ARMC2: variants seen among roughly 807,000 people sequenced by gnomAD.
ARMC2 encodes the protein armadillo repeat-containing protein 2.
ARMC2 carries 67 observed loss-of-function variants against 90.3 expected under a neutral mutation model. The observed-to-expected ratio is 0.74, with a 90% confidence interval of 0.61 to 0.91. The LOEUF is 0.91. Ranked by LOEUF, ARMC2 falls within the 40% of genes least tolerant of loss-of-function variation. ARMC2 has a pLI of 0.00. For synonymous variants in ARMC2, 393 were observed against 393.0 expected, an observed-to-expected ratio of 1.00 and a Z score of 0.00; for missense variants, 920 against 1,030.9, an observed-to-expected ratio of 0.89 and a Z score of 1.47.
the ARMC2 span, among the ~76,000 whole-genome samples, chr6:109,016,409 T>C: frequency 6.6e-6 from 1 of 152,212 alleles, no homozygotes; most frequent in Non-Finnish European, 1.5e-5. Flanking sequence ...TAATCTTTAG[T>C]TGTAGGTCCT....
chr6:108,993,030 C>A, the ARMC2 span: 1 of 606,324 alleles, frequency 1.6e-6, no homozygotes, highest in South Asian at 2.1e-5. Context: ...AGTAGTCTTA[C>A]AATTATACAA....
At chr6:108,871,089 G>A (rs1776362926) in intron 4 of ARMC2, among the ~76,000 whole-genome samples, 1 of 152,176 alleles carries the variant, frequency 6.6e-6, no homozygotes, top group Non-Finnish European at 1.5e-5. Context: ...TGGACCAAGT[G>A]TCCACATGGA....
chr6:108,995,195 T>C, the ARMC2 span, among the ~76,000 whole-genome samples: 1 of 152,198 alleles, frequency 6.6e-6, no homozygotes, highest in Non-Finnish European at 1.5e-5. Context: ...TTACCATTTA[T>C]GCTGTTTTAA....
the ARMC2 span, among the ~76,000 whole-genome samples, chr6:109,051,287 T>C: frequency 6.6e-6 from 1 of 152,100 alleles, no homozygotes; most frequent in Non-Finnish European, 1.5e-5. Flanking sequence ...CAGAATATTA[T>C]AAAGATTTTT....
chr6:108,879,230 C>T (rs117150855), intron 5 of ARMC2, among the ~76,000 whole-genome samples: 15,677 of 146,052 alleles, frequency 0.11, 1,130 homozygotes, highest in Non-Finnish European at 0.16. Context: ...CCATATATCT[C>T]CCCATCCATC....
At position 108,965,072 on chromosome 6, in the gene ARMC2, C is replaced by T. The variant is rs1203160926; in HGVS notation, c.2378C>T (p.Thr793Ile). 2.5e-6 allele frequency: 4 copies of T among 1,613,792 alleles called. No individual in the cohort carries two copies. The Admixed American group carries it at 5.0e-5, about 20-fold the overall frequency. ...KTLWNFSENI[T>I]NASSCFGNED... ...TTATGGAACTTCAGTGAAAACATCA[C>T]TAATGCTTCGTCATGTTTTGGAAAT... Residue 793 changes from threonine to isoleucine, a missense_variant, in exon 17 of 18, where the codon ACT becomes ATT. Physicochemically the swap from Thr to Ile is moderately conservative, Grantham distance 89 (BLOSUM62 -1). Transcript: ENST00000392644.
At chr6:108,940,570 C>T (rs914462299) in intron 12 of ARMC2, among the ~76,000 whole-genome samples, 1 of 152,168 alleles carries the variant, frequency 6.6e-6, no homozygotes, top group African/African-American at 2.4e-5. Context: ...CTGCTCTTTA[C>T]TGTACATGTG....
intron 12 of ARMC2, among the ~76,000 whole-genome samples, chr6:108,939,417 C>T (rs1481213133): frequency 1.3e-5 from 2 of 152,066 alleles, no homozygotes; most frequent in East Asian, 1.9e-4. Flanking sequence ...GTGCTGTTCT[C>T]GTGGTAGTGA....
the ARMC2 span, among the ~76,000 whole-genome samples, chr6:109,007,100 T>C: frequency 6.6e-6 from 1 of 152,190 alleles, no homozygotes; most frequent in Non-Finnish European, 1.5e-5. Flanking sequence ...TAACCATCTT[T>C]GAAAGAGACA....
Position 108,974,443 on chromosome 6 carries a change from G to A in ARMC2, c.*929G>A, listed in dbSNP as rs1023139671. The A allele has an allele frequency of 2.0e-5, 3 of 152,188 alleles. No individual in the cohort carries two copies. Among genetic ancestry groups the A allele is most frequent in the Non-Finnish European group, 4.4e-5 (3 of 68,034 alleles). 9.4% of individuals were successfully genotyped at this position (152,188 alleles called of 1,614,324 possible). A position where few individuals can be genotyped will look rare whatever the true frequency, so the allele number is the denominator to read the frequency against. On this transcript the variant is annotated 3_prime_UTR_variant, in exon 18 of 18. Coordinates refer to ENST00000392644, the MANE Select transcript of ARMC2 (RefSeq NM_032131.6). ...TAGCTTGCCATCCTTTGTAGGATGA[G>A]TTTGGCCTTTGAATAAATGATTAAA...
At chr6:108,950,013 C>G (rs1341245488) in intron 12 of ARMC2, among the ~76,000 whole-genome samples, 3 of 152,118 alleles carry the variant, frequency 2.0e-5, no homozygotes, top group Non-Finnish European at 4.4e-5. Context: ...TGAGGCCAGC[C>G]TAGCCAACAT....
intron 17 of ARMC2, among the ~76,000 whole-genome samples, chr6:108,970,863 C>A (rs935102339): frequency 1.3e-5 from 2 of 152,150 alleles, no homozygotes; most frequent in African/African-American, 2.4e-5. Flanking sequence ...CAGCAGAATT[C>A]ACTTTTCAAC....
At chr6:108,863,511 G>A (rs1458397443) in intron 3 of ARMC2, among the ~76,000 whole-genome samples, 1 of 152,190 alleles carries the variant, frequency 6.6e-6, no homozygotes, top group African/African-American at 2.4e-5. Context: ...TTGGGTGATA[G>A]TTACTCCATT....
At position 108,868,977 on chromosome 6, in the gene ARMC2, T is replaced by C. The variant is rs1776111356; in HGVS notation, c.445T>C (p.Ser149Pro). The C allele has an allele frequency of 1.2e-6, 2 of 1,612,692 alleles. No homozygotes were observed. Among genetic ancestry groups the C allele is most frequent in the Non-Finnish European group, 1.7e-6 (2 of 1,179,368 alleles). ...CCAGCGGGCCCTTCTGCCGGACAGA[T>C]CCCTTCCTCCCTCCGACTGTAAGGC... ...ASQRALLPDR[S>P]LPPSDSKKTV... The change falls in exon 4 of 18, where the codon TCC (serine) becomes CCC (proline). Residue 149 changes from serine to proline, a missense_variant. Transcript: ENST00000392644.
chr6:108,933,304 C>A (rs572652219), intron 11 of ARMC2, among the ~76,000 whole-genome samples: 1 of 152,082 alleles, frequency 6.6e-6, no homozygotes. Flanking sequence ...GCTGTATTCT[C>A]AGGTATCTTA....
intron 12 of ARMC2, among the ~76,000 whole-genome samples, chr6:108,951,415 C>T (rs1262306415): frequency 6.6e-6 from 1 of 152,200 alleles, no homozygotes; most frequent in Non-Finnish European, 1.5e-5. Flanking sequence ...ACCACTATGG[C>T]TGGTTGAATG....
the ARMC2 span, among the ~76,000 whole-genome samples, chr6:109,051,991 T>C: frequency 6.6e-6 from 1 of 152,218 alleles, no homozygotes; most frequent in Non-Finnish European, 1.5e-5. Context: ...ACCCAAATTT[T>C]GGAGTGACAC....
At chr6:108,921,547 C>T (rs748797334) in intron 10 of ARMC2, among the ~76,000 whole-genome samples, 2 of 152,206 alleles carry the variant, frequency 1.3e-5, no homozygotes, top group Non-Finnish European at 2.9e-5. Flanking sequence ...CTAGCAGCAT[C>T]TTGTCATTGG....
chr6:109,047,507 C>T, the ARMC2 span, among the ~76,000 whole-genome samples: 1 of 131,188 alleles, frequency 7.6e-6, no homozygotes, highest in Non-Finnish European at 1.7e-5. Flanking sequence ...GCCGCCCCGT[C>T]CGGGAGGTGA....
Sources: gnomAD v4.1 joint callset for allele counts (sites outside exome capture counted in the v4.1 genomes callset) on GRCh38, gnomAD v4.1.1 for gene constraint, MANE v1.5 for transcripts, NCBI Gene and HGNC (gene_info 2026-07-23, HGNC 2026-07-21) for gene names.